Variants in CAMKMT observed in about 807,000 individuals in gnomAD.
CAMKMT encodes the protein calmodulin-lysine N-methyltransferase, also known as CaM KMT.
CAMKMT carries 53 observed loss-of-function variants against 48.0 expected under a neutral mutation model. The ratio of observed to expected loss-of-function variants is 1.10; its 90% CI spans 0.89 to 1.39. The LOEUF (loss-of-function observed/expected upper bound fraction) is 1.39. Ranked by LOEUF, CAMKMT falls within the 40% of genes most tolerant of loss-of-function variation. The probability of loss-of-function intolerance (pLI) is 0.00; values close to 1 mark genes in which losing one functional copy is unlikely to be tolerated. For synonymous variants in CAMKMT, 165 were observed against 152.3 expected, an observed-to-expected ratio of 1.08 and a Z score of -0.61; for missense variants, 428 against 402.7, an observed-to-expected ratio of 1.06 and a Z score of -0.54.
chr2:44,370,617 C>G (rs183828708), intron 1 of CAMKMT, among the ~76,000 whole-genome samples: 1 of 151,038 alleles, frequency 6.6e-6, no homozygotes, highest in African/African-American at 2.4e-5. Context: ...TATCGATCCT[C>G]TCTCCTGTGT....
intron 3 of CAMKMT, among the ~76,000 whole-genome samples, chr2:44,409,824 G>A (rs1357657262): frequency 6.6e-6 from 1 of 152,010 alleles, no homozygotes; most frequent in African/African-American, 2.4e-5. Flanking sequence ...ATGTATGTAA[G>A]GACTGTGTCG....
chr2:44,380,724 T>A (rs1224726884), intron 2 of CAMKMT, among the ~76,000 whole-genome samples: 1 of 152,216 alleles, frequency 6.6e-6, no homozygotes, highest in Non-Finnish European at 1.5e-5. Context: ...GATGCCATCT[T>A]TTAGGGTTTT....
intron 3 of CAMKMT, among the ~76,000 whole-genome samples, chr2:44,532,874 G>C (rs1265922809): frequency 1.3e-5 from 2 of 151,204 alleles, no homozygotes; most frequent in Non-Finnish European, 2.9e-5. Context: ...GTACAGTGGT[G>C]TGATCACAGC....
At chr2:44,684,528 C>G (rs1676224638) in intron 3 of CAMKMT, among the ~76,000 whole-genome samples, 1 of 151,930 alleles carries the variant, frequency 6.6e-6, no homozygotes, top group Non-Finnish European at 1.5e-5. Context: ...TTCTCTCTCT[C>G]AAGTCACTTA....
intron 9 of CAMKMT, among the ~76,000 whole-genome samples, chr2:44,757,237 G>A (rs1420718918): frequency 6.6e-6 from 1 of 152,236 alleles, no homozygotes; most frequent in Non-Finnish European, 1.5e-5. Context: ...TCCAGGCCTA[G>A]TGTGGCCCTA....
At chr2:44,571,797 G>A (rs1415619619) in intron 3 of CAMKMT, among the ~76,000 whole-genome samples, 1 of 152,012 alleles carries the variant, frequency 6.6e-6, no homozygotes, top group Non-Finnish European at 1.5e-5. Flanking sequence ...GCAACACAGT[G>A]AGACCCTGTC....
intron 3 of CAMKMT, among the ~76,000 whole-genome samples, chr2:44,417,471 G>T (rs953405471): frequency 1.3e-5 from 2 of 152,156 alleles, no homozygotes; most frequent in African/African-American, 4.8e-5. Context: ...AGACATTCAG[G>T]TTGTTTCCGG....
At chr2:44,674,257 G>T (rs1428403397) in intron 3 of CAMKMT, among the ~76,000 whole-genome samples, 3 of 152,176 alleles carry the variant, frequency 2.0e-5, no homozygotes, top group Non-Finnish European at 4.4e-5. Flanking sequence ...AAAAGGGTAT[G>T]CAAACCCCTG....
chr2:44,481,950 C>G (rs564438043), intron 3 of CAMKMT, among the ~76,000 whole-genome samples: 3 of 152,046 alleles, frequency 2.0e-5, no homozygotes, highest in Admixed American at 2.0e-4. Flanking sequence ...TTCTGTTGAT[C>G]TATTTAAAAA....
At chr2:44,629,638 A>C (rs1263749920) in intron 3 of CAMKMT, among the ~76,000 whole-genome samples, 1 of 151,814 alleles carries the variant, frequency 6.6e-6, no homozygotes, top group Non-Finnish European at 1.5e-5. Flanking sequence ...GTGAACTCCC[A>C]TTCACAATTG....
At chr2:44,451,439 C>T (rs1206976934) in intron 3 of CAMKMT, among the ~76,000 whole-genome samples, 1 of 151,814 alleles carries the variant, frequency 6.6e-6, no homozygotes, top group African/African-American at 2.4e-5. Flanking sequence ...GGCTGGTGTT[C>T]TTCTACCTTT....
intron 3 of CAMKMT, among the ~76,000 whole-genome samples, chr2:44,419,298 T>C (rs1431416315): frequency 6.6e-6 from 1 of 152,196 alleles, no homozygotes; most frequent in African/African-American, 2.4e-5. Context: ...AGCACAGTGA[T>C]GGACATGTTG....
chr2:44,486,815 AGTTGTCTGT>A (rs1326210471), intron 3 of CAMKMT, among the ~76,000 whole-genome samples: 1 of 152,302 alleles, frequency 6.6e-6, no homozygotes, highest in African/African-American at 2.4e-5. Flanking sequence ...TCCTGAGTGA[AGTTGTCTGT>A]GTTGTCTGTC....
intron 2 of CAMKMT, among the ~76,000 whole-genome samples, chr2:44,381,240 T>A (rs1680212885): frequency 6.6e-6 from 1 of 152,224 alleles, no homozygotes; most frequent in South Asian, 2.1e-4. Flanking sequence ...TTGAATAGTG[T>A]TTTTAACTTT....
At chr2:44,634,661 G>C (rs1304617104) in intron 3 of CAMKMT, among the ~76,000 whole-genome samples, 2 of 151,918 alleles carry the variant, frequency 1.3e-5, no homozygotes, top group Non-Finnish European at 2.9e-5. Context: ...CTGTTAGAGA[G>C]GACAAACATG....
chr2:44,420,885 C>G (rs1466168242), intron 3 of CAMKMT, among the ~76,000 whole-genome samples: 1 of 151,612 alleles, frequency 6.6e-6, no homozygotes, highest in Non-Finnish European at 1.5e-5. Flanking sequence ...TAACTGTCAC[C>G]TCATTATCTT....
At chr2:44,390,385 A>C (rs188212921) in intron 3 of CAMKMT, 80 bp downstream of exon 3, 3 of 994,310 alleles carry the variant, frequency 3.0e-6, no homozygotes, top group Admixed American at 4.4e-5. Context: ...CTTCTCACTA[A>C]TATTTATTAT....
At chr2:44,599,136 G>C (rs998889375) in intron 3 of CAMKMT, among the ~76,000 whole-genome samples, 14 of 152,190 alleles carry the variant, frequency 9.2e-5, no homozygotes, top group African/African-American at 3.4e-4. Context: ...ATGTAAGATG[G>C]AATGGGAAAA....
intron 4 of CAMKMT, chr2:44,705,375 T>G (rs1161666890): frequency 1.0e-6 from 1 of 985,232 alleles, no homozygotes; most frequent in African/African-American, 1.7e-5. Context: ...AGCATATAAA[T>G]AAGAACAGGG....
Sources: gnomAD v4.1 joint callset for allele counts (sites outside exome capture counted in the v4.1 genomes callset) on GRCh38, gnomAD v4.1.1 for gene constraint, MANE v1.5 for transcripts, NCBI Gene and HGNC (gene_info 2026-07-23, HGNC 2026-07-21) for gene names.